The following LRBA variants were observed in gnomAD, a reference collection of about 807,000 sequenced individuals.
LRBA encodes lipopolysaccharide-responsive and beige-like anchor protein.
In LRBA, 176 loss-of-function variants were observed where a neutral mutation model predicts 330.0. The observed-to-expected ratio is 0.53, with a 90% CI of 0.47 to 0.60. The LOEUF is 0.60. LRBA is among the 20% of genes least tolerant of loss of function. The pLI, the probability that LRBA is intolerant of heterozygous loss-of-function variation, is 0.00. For missense variants in LRBA, 3,259 were observed against 3,444.8 expected, an observed-to-expected ratio of 0.95 and a Z score of 1.35; for synonymous variants, 1,230 against 1,193.0, an observed-to-expected ratio of 1.03 and a Z score of -0.64.
In LRBA at chr4:150,335,534, A is replaced by G. The variant is rs183011566; in HGVS notation, c.7363-9636T>C. Among the ~76,000 whole-genome samples, 374 of 146,710 alleles carry G rather than the reference A, an allele frequency of 2.5e-3. 1 individual carries two copies. Among genetic ancestry groups the G allele is most frequent in the African/African-American group, 6.8e-3 (269 of 39,444 alleles). ...ACATATACGTATTATATATGTGTGT[A>G]TATATATATATACACACACACATAT... On this transcript the variant is annotated intron_variant, in intron 48 of 56. Coordinates refer to ENST00000651943, the MANE Select transcript of LRBA (RefSeq NM_001364905.1).
chr4:150,440,763 C>T (rs181866119), intron 44 of LRBA, among the ~76,000 whole-genome samples: 194 of 148,092 alleles, frequency 1.3e-3, no homozygotes, highest in African/African-American at 4.6e-3. Context: ...CTGTCTCAAA[C>T]AAAACAAAAA....
At chr4:150,644,679 G>A (rs1215164451) in intron 37 of LRBA, among the ~76,000 whole-genome samples, 1 of 151,868 alleles carries the variant, frequency 6.6e-6, no homozygotes, top group Non-Finnish European at 1.5e-5. Context: ...TATTCAAGGA[G>A]TAAATGACTA....
At chr4:150,730,403 C>A (rs1002550601) in intron 36 of LRBA, among the ~76,000 whole-genome samples, 1 of 152,086 alleles carries the variant, frequency 6.6e-6, no homozygotes, top group Non-Finnish European at 1.5e-5. Flanking sequence ...GGTGTTCAGG[C>A]CGGGTGCAGT....
chr4:150,471,590 G>C, intron 43 of LRBA, 34 bp downstream of exon 43: 1 of 1,165,142 alleles, frequency 8.6e-7, no homozygotes, highest in Non-Finnish European at 1.2e-6. Context: ...ATAATTTATT[G>C]TCTAAAATAA....
chr4:150,690,927 CTT>C (rs70941427), intron 36 of LRBA, among the ~76,000 whole-genome samples: 18,975 of 106,306 alleles, frequency 0.18, 3,528 homozygotes, highest in African/African-American at 0.48. Flanking sequence ...AACACCTGGT[CTT>C]TTTTTTTTTT....
rs539298232 is a variant in LRBA, at chr4:150,716,550, T to C, written c.5754+18708A>G. On this transcript the variant is annotated intron_variant, in intron 36 of 56. Coordinates refer to ENST00000651943, the MANE Select transcript of LRBA (RefSeq NM_001364905.1). ...GCTAAACAATAAATGACTTTCACTC[T>C]TTACATTTTTTATTTTCTAAATTTT... Among the ~76,000 whole-genome samples the C allele has an allele frequency of 3.9e-5, 6 of 152,310 alleles. No individual in the cohort carries two copies. The South Asian group carries it at 1.2e-3, about 32-fold the overall frequency.
intron 22 of LRBA, among the ~76,000 whole-genome samples, chr4:150,861,270 G>GGGGTGTGTGTGTGTGT (rs1553984658): frequency 7.3e-6 from 1 of 137,814 alleles, no homozygotes; most frequent in African/African-American, 2.8e-5. Context: ...CCCAGCTAAT[G>GGGGTGTGTGTGTGTGT]GTGTGTGTGT....
intron 37 of LRBA, among the ~76,000 whole-genome samples, chr4:150,608,911 C>A (rs575778009): frequency 7.2e-5 from 11 of 152,322 alleles, no homozygotes; most frequent in Admixed American, 4.6e-4. Context: ...TGAGGTTCAT[C>A]TATGTTGTAG....
chr4:150,639,209 A>AGGGGAAG (rs1478578581), intron 37 of LRBA, among the ~76,000 whole-genome samples: 24 of 85,658 alleles, frequency 2.8e-4, no homozygotes, highest in African/African-American at 1.1e-3. Flanking sequence ...GTGGTGGGGT[A>AGGGGAAG]GGGGAAGGGG....
Position 150,867,749 on chromosome 4 carries a change from G to T in LRBA, c.2688C>A (p.Ile896=), listed in dbSNP as rs200098180. The change falls in exon 22 of 57, where the codon ATC becomes ATA. Residue 896 remains isoleucine (I), a synonymous_variant. Coordinates refer to ENST00000651943, the MANE Select transcript of LRBA (RefSeq NM_001364905.1). ...CATATTTGACTGCATGGTAAAGCAGGATTCTGAATATGGCGTATACCATTT... is the reference window on the plus strand; with the variant it reads ...CATATTTGACTGCATGGTAAAGCAGTATTCTGAATATGGCGTATACCATTT... ...ITEMVYAIFR[I]LLYHAVKYEW... The T allele has an allele frequency of 8.7e-6, 14 of 1,613,802 alleles. No homozygotes were observed. In the East Asian group the frequency reaches 3.1e-4, roughly 36 times the overall value.
chr4:150,540,814 T>G (rs1346069397), intron 40 of LRBA, among the ~76,000 whole-genome samples: 2 of 152,196 alleles, frequency 1.3e-5, no homozygotes, highest in Non-Finnish European at 2.9e-5. Context: ...ACATCTTGCT[T>G]AGAAACTAGA....
chr4:150,733,668 AT>A (rs1338497548), intron 36 of LRBA, among the ~76,000 whole-genome samples: 19 of 152,116 alleles, frequency 1.2e-4, no homozygotes, highest in African/African-American at 4.6e-4. Context: ...CTTTAATAAA[AT>A]TTTGTAGCTT....
intron 40 of LRBA, among the ~76,000 whole-genome samples, chr4:150,563,052 C>A (rs780983210): frequency 5.9e-5 from 9 of 152,248 alleles, no homozygotes; most frequent in Non-Finnish European, 1.3e-4. Flanking sequence ...CCAACTCAGC[C>A]TCTAAAAGTG....
intron 22 of LRBA, among the ~76,000 whole-genome samples, chr4:150,856,045 G>A (rs970336661): frequency 2.0e-5 from 3 of 152,158 alleles, no homozygotes; most frequent in African/African-American, 7.2e-5. Flanking sequence ...GTGTGTGCCA[G>A]GTAGAGTGTA....
rs200641170 is a variant in LRBA, at chr4:150,831,852, T to C, written c.4694A>G (p.Glu1565Gly). 27 of 1,599,672 alleles carry C rather than the reference T, an allele frequency of 1.7e-5. No individual in the cohort carries two copies. Among genetic ancestry groups the C allele is most frequent in the Middle Eastern group, 3.3e-4 (2 of 6,048 alleles). The change falls in exon 29 of 57, where the codon GAA (glutamate) becomes GGA (glycine). Residue 1565 changes from glutamate to glycine, a missense_variant. Glu to Gly is a moderately conservative substitution (Grantham distance 98). Transcript: ENST00000651943. ...TACATTCTCATTTTCACTGCCAGTT[T>C]CTGTACATGACTGGCTATGCCTTTC... Reference protein sequence around the residue: ...QNERHSQSCTETGSENENVSL... With the variant: ...QNERHSQSCTGTGSENENVSL...
intron 47 of LRBA, among the ~76,000 whole-genome samples, chr4:150,400,740 C>A (rs1745347744): frequency 6.6e-6 from 1 of 152,074 alleles, no homozygotes; most frequent in African/African-American, 2.4e-5. Context: ...ATAGTTCTAG[C>A]TACTCGAGAA....
chr4:150,594,049 C>A (rs934152174), intron 38 of LRBA, among the ~76,000 whole-genome samples: 2 of 152,108 alleles, frequency 1.3e-5, no homozygotes, highest in African/African-American at 4.8e-5. Flanking sequence ...TATAGGTGTA[C>A]TGTATGCATA....
chr4:150,970,554 TGTACACACACACACAC>T (rs1390567984), intron 2 of LRBA: 4 of 99,662 alleles, frequency 4.0e-5, no homozygotes, highest in East Asian at 7.2e-4. Context: ...TGTGTGTGTG[TGTACACACACACACAC>T]ACACACACAC....
At chr4:150,782,849 A>C (rs538516444) in intron 34 of LRBA, among the ~76,000 whole-genome samples, 1 of 152,298 alleles carries the variant, frequency 6.6e-6, no homozygotes, top group East Asian at 1.9e-4. Flanking sequence ...CCTTACCAGC[A>C]AGTGCAAATT....
Sources: gnomAD v4.1 joint callset for allele counts (sites outside exome capture counted in the v4.1 genomes callset) on GRCh38, gnomAD v4.1.1 for gene constraint, MANE v1.5 for transcripts, NCBI Gene and HGNC (gene_info 2026-07-23, HGNC 2026-07-21) for gene names.